The following CLMN variants were observed in gnomAD, a reference collection of about 807,000 sequenced individuals.
The protein encoded by CLMN is calmin.
A neutral mutation model predicts 92.7 loss-of-function variants in CLMN; 57 were observed. That is an observed-to-expected ratio of 0.61 (90% CI 0.50 to 0.77). CLMN has a LOEUF of 0.77. Ranked by LOEUF, CLMN falls within the 30% of genes least tolerant of loss-of-function variation. The probability of loss-of-function intolerance (pLI) is 0.00; values close to 1 mark genes in which losing one functional copy is unlikely to be tolerated. For synonymous variants in CLMN, 466 were observed against 470.6 expected (o/e 0.99, Z 0.13); for missense variants, 1,158 against 1,237.5 (o/e 0.94, Z 0.96).
Position 95,186,887 on chromosome 14 carries a change from C to T in CLMN, c.*4677G>A, listed in dbSNP as rs1183211116. ...CCAGTTTTCTGTTTCTTAAGTGAAG[C>T]AAGGGTGGTAAAGAAAACCTAGAAC... is the stretch of plus-strand genomic sequence containing the variant. On this transcript the variant is annotated 3_prime_UTR_variant, in exon 13 of 13. Coordinates refer to ENST00000298912, the MANE Select transcript of CLMN (RefSeq NM_024734.4). 1.3e-5 allele frequency: 2 copies of T among 152,140 alleles called. No individual in the cohort carries two copies. The highest frequency in any genetic ancestry group is 2.9e-5 in the Non-Finnish European group (2 of 68,064). 9.4% of individuals were successfully genotyped at this position (152,140 alleles called of 1,614,324 possible). A position where few individuals can be genotyped will look rare whatever the true frequency, so the allele number is the denominator to read the frequency against.
intron 1 of CLMN, among the ~76,000 whole-genome samples, chr14:95,246,802 T>C (rs1898590209): frequency 6.6e-6 from 1 of 152,216 alleles, no homozygotes; most frequent in Admixed American, 6.5e-5. Context: ...TGTCTCCTGA[T>C]CTGTGGGCCT....
At chr14:95,218,763 G>A (rs557317445) in intron 4 of CLMN, among the ~76,000 whole-genome samples, 26 of 152,358 alleles carry the variant, frequency 1.7e-4, no homozygotes, top group African/African-American at 6.3e-4. Context: ...GCACCAAGCT[G>A]ACATAGTATG....
In CLMN at chr14:95,294,180, A is replaced by G. The variant is rs1900717398; in HGVS notation, c.82+25531T>C. Among the ~76,000 whole-genome samples the G allele has an allele frequency of 6.6e-6, 1 of 152,196 alleles. No individual in the cohort carries two copies. Among genetic ancestry groups the G allele is most frequent in the African/African-American group, 2.4e-5 (1 of 41,452 alleles). ...GGGGGAGTGGGCTGGATTCACTTAT[A>G]TTTCCAGAAATATTTGCTAAGCACC... On this transcript the variant is annotated intron_variant, in intron 1 of 12. Coordinates refer to ENST00000298912, the MANE Select transcript of CLMN (RefSeq NM_024734.4). This position sits in a 1 kb window ranked among gnomAD's most constrained non-coding sequence, Gnocchi z 4.2.
chr14:95,220,162 T>C (rs1246871803), intron 4 of CLMN, among the ~76,000 whole-genome samples: 1 of 146,084 alleles, frequency 6.8e-6, no homozygotes, highest in Non-Finnish European at 1.5e-5. Flanking sequence ...ACTGTATGGA[T>C]AGGTCCCTTT....
At chr14:95,317,621 G>C (rs1178768340) in intron 1 of CLMN, among the ~76,000 whole-genome samples, 1 of 151,498 alleles carries the variant, frequency 6.6e-6, no homozygotes, top group Non-Finnish European at 1.5e-5. Flanking sequence ...AAAGGCCAGA[G>C]TACATACTGT....
At chr14:95,222,886 G>C (rs1225743278) in intron 3 of CLMN, among the ~76,000 whole-genome samples, 1 of 152,204 alleles carries the variant, frequency 6.6e-6, no homozygotes, top group African/African-American at 2.4e-5. Context: ...TAGACCTACA[G>C]TTAAGGACAG....
At chr14:95,318,025 C>A (rs1901870909) in intron 1 of CLMN, among the ~76,000 whole-genome samples, 1 of 152,072 alleles carries the variant, frequency 6.6e-6, no homozygotes, top group South Asian at 2.1e-4. Flanking sequence ...TTCTGTAAAG[C>A]CTTCTCCCAC....
chr14:95,314,353 C>G (rs1171354507), intron 1 of CLMN, among the ~76,000 whole-genome samples: 1 of 152,030 alleles, frequency 6.6e-6, no homozygotes, highest in African/African-American at 2.4e-5. Context: ...ATCTCCAGCA[C>G]TCCACAGTGA....
rs187683541 is a variant in CLMN at position 95,306,759 on chromosome 14, C to T, written c.82+12952G>A. Among the ~76,000 whole-genome samples the T allele has an allele frequency of 8.7e-4, 132 of 152,306 alleles. 1 individual carries two copies. The South Asian group carries it at 0.012, about 14-fold the overall frequency. ...CTAAGCTCTGAAGAGCACTGACCTACTAGTGACACTGTAAACCCCAGTTAC... is the reference window on the plus strand; with the variant it reads ...CTAAGCTCTGAAGAGCACTGACCTATTAGTGACACTGTAAACCCCAGTTAC... On this transcript the variant is annotated intron_variant, in intron 1 of 12. Transcript: ENST00000298912.
chr14:95,296,953 G>A (rs985712403), intron 1 of CLMN, among the ~76,000 whole-genome samples: 5 of 152,106 alleles, frequency 3.3e-5, no homozygotes, highest in South Asian at 4.2e-4. Flanking sequence ...CCCATCAGAC[G>A]GGATAAGAGA....
chr14:95,245,034 T>TTTTCATGAAAATTTCATGAAA (rs1266620537), intron 1 of CLMN, among the ~76,000 whole-genome samples: 5 of 140,920 alleles, frequency 3.5e-5, no homozygotes, highest in Non-Finnish European at 7.6e-5. Flanking sequence ...TCAATGAATA[T>TTTTCATGAAAATTTCATGAAA]TTTCATGAAA....
Position 95,203,769 on chromosome 14 carries a change from G to C in CLMN, c.1580C>G (p.Pro527Arg). 1 of 1,614,128 alleles carries C rather than the reference G, an allele frequency of 6.2e-7. No individual in the cohort carries two copies. Among genetic ancestry groups the C allele is most frequent in the Non-Finnish European group, 8.5e-7 (1 of 1,179,998 alleles). The change falls in exon 9 of 13, where the codon CCC becomes CGC. Residue 527 changes from proline (P) to arginine (R), a missense_variant. Coordinates refer to ENST00000298912, the MANE Select transcript of CLMN (RefSeq NM_024734.4). ...GGCCATCACAGTATTTTCTCCTGGG[G>C]GTGAAAGAGAGTGACTTTCTTCATC... ...RHDEESHSLS[P>R]PGENTVMADS...
chr14:95,250,447 T>C (rs1222994456), intron 1 of CLMN, among the ~76,000 whole-genome samples: 1 of 152,226 alleles, frequency 6.6e-6, no homozygotes, highest in Non-Finnish European at 1.5e-5. Flanking sequence ...CACTTTACAA[T>C]CTGCAAAACT....
chr14:95,193,455 C>T (rs1457753615), intron 12 of CLMN: 9 of 1,291,402 alleles, frequency 7.0e-6, no homozygotes, highest in Non-Finnish European at 9.6e-6. Context: ...TCAGGGGCTA[C>T]AGCATTCACA....
intron 1 of CLMN, among the ~76,000 whole-genome samples, chr14:95,299,949 T>C (rs1380087669): frequency 3.9e-5 from 6 of 152,228 alleles, no homozygotes; most frequent in African/African-American, 1.2e-4. Context: ...CAGTCAAGCA[T>C]AAATGTTGAC....
chr14:95,246,972 T>C (rs1304542772), intron 1 of CLMN, among the ~76,000 whole-genome samples: 1 of 152,180 alleles, frequency 6.6e-6, no homozygotes, highest in African/African-American at 2.4e-5. Flanking sequence ...TTCTCCCTCT[T>C]TGCACCTGCC....
intron 1 of CLMN, among the ~76,000 whole-genome samples, chr14:95,257,963 G>A (rs1899069099): frequency 6.6e-6 from 1 of 152,174 alleles, no homozygotes; most frequent in Non-Finnish European, 1.5e-5. Flanking sequence ...AGAGGCAAAA[G>A]TACAAGAGTC....
chr14:95,218,897 G>T (rs1446123225), intron 4 of CLMN, among the ~76,000 whole-genome samples: 1 of 152,206 alleles, frequency 6.6e-6, no homozygotes, highest in Non-Finnish European at 1.5e-5. Context: ...ATGACAGAAG[G>T]CCAGGCCTTC....
intron 1 of CLMN, among the ~76,000 whole-genome samples, chr14:95,314,304 A>T (rs925515442): frequency 6.6e-6 from 1 of 152,110 alleles, no homozygotes; most frequent in Admixed American, 6.6e-5. Context: ...AAGCTTATGA[A>T]ATGCAACATT....
Sources: allele counts gnomAD v4.1 joint callset (sites outside exome capture counted in the v4.1 genomes callset), GRCh38; gene constraint gnomAD v4.1.1; non-coding constraint Gnocchi (gnomAD v3.1); transcripts MANE v1.5; gene names NCBI Gene and HGNC (gene_info 2026-07-23, HGNC 2026-07-21).